Variants in PCP4 observed in about 807,000 individuals in gnomAD.
The protein encoded by PCP4 is Purkinje cell protein 4, also known as calmodulin regulator protein PCP4.
In PCP4, 8 loss-of-function variants were observed where a neutral mutation model predicts 10.0. The ratio of observed to expected loss-of-function variants is 0.80; its 90% CI spans 0.47 to 1.45. PCP4 has a LOEUF of 1.45. PCP4 is among the 40% of genes most tolerant of loss of function. The pLI, the probability that PCP4 is intolerant of heterozygous loss-of-function variation, is 0.00. For synonymous variants in PCP4, 21 were observed against 23.0 expected (o/e 0.91, Z 0.24); for missense variants, 54 against 74.4 (o/e 0.73, Z 1.01).
At chr21:39,903,876 C>CAAAAAA (rs67572508) in intron 2 of PCP4, among the ~76,000 whole-genome samples, 13 of 95,538 alleles carry the variant, frequency 1.4e-4, no homozygotes, top group East Asian at 3.6e-4. Context: ...TCAAAAAAAA[C>CAAAAAA]AAAAAAAAAA....
chr21:39,872,094 G>C (rs968961615), intron 1 of PCP4, among the ~76,000 whole-genome samples: 1 of 152,062 alleles, frequency 6.6e-6, no homozygotes, highest in African/African-American at 2.4e-5. Context: ...TGCCTCCCAG[G>C]TTCAAGCAAT....
intron 2 of PCP4, among the ~76,000 whole-genome samples, chr21:39,903,935 A>G (rs2087494596): frequency 6.6e-6 from 1 of 151,730 alleles, no homozygotes; most frequent in Non-Finnish European, 1.5e-5. Flanking sequence ...GATTGCCAAG[A>G]ATAAATAAGA....
intron 1 of PCP4, among the ~76,000 whole-genome samples, chr21:39,881,232 G>A (rs2146328430): frequency 6.6e-6 from 1 of 152,136 alleles, no homozygotes; most frequent in South Asian, 2.1e-4. Context: ...AATGTTGGGG[G>A]GAGAAACCTG....
intron 1 of PCP4, among the ~76,000 whole-genome samples, chr21:39,891,745 A>T (rs1028381008): frequency 6.6e-6 from 1 of 152,210 alleles, no homozygotes; most frequent in Non-Finnish European, 1.5e-5. Context: ...TGATTACAGG[A>T]TAGGGGGCCC....
At chr21:39,927,106 G>A (rs556156807) in intron 2 of PCP4, among the ~76,000 whole-genome samples, 2 of 151,926 alleles carry the variant, frequency 1.3e-5, no homozygotes, top group African/African-American at 4.8e-5. Flanking sequence ...CCTCCTAGGT[G>A]AGAGGATGAT....
At chr21:39,927,758 T>C (rs2087631915) in intron 2 of PCP4, among the ~76,000 whole-genome samples, 1 of 152,190 alleles carries the variant, frequency 6.6e-6, no homozygotes. Context: ...TGGCTTGAGC[T>C]AACTCCAAGG....
chr21:39,869,767 T>A (rs2087311101), intron 1 of PCP4, among the ~76,000 whole-genome samples: 1 of 152,252 alleles, frequency 6.6e-6, no homozygotes, highest in African/African-American at 2.4e-5. Context: ...TCCCCCTTCA[T>A]GGCACCCCTC....
In PCP4 at chr21:39,922,209, AC is replaced by A. The variant is rs1218286107; in HGVS notation, c.62-6773del. On this transcript the variant is annotated intron_variant, in intron 2 of 2. Transcript: ENST00000328619. The stretch of plus-strand genomic sequence containing the variant: ...TCAACTGGTAGTATAATAGTTCCTA[AC>A]CTTTATATTTATGATTCTCTATTTT... 4.4e-4 allele frequency among the ~76,000 whole-genome samples: 67 copies of A among 152,222 alleles called. 1 individual carries two copies. The highest frequency in any genetic ancestry group is 1.6e-3 in the African/African-American group (66 of 41,518).
At chr21:39,888,048 C>T (rs1174228745) in intron 1 of PCP4, among the ~76,000 whole-genome samples, 3 of 152,192 alleles carry the variant, frequency 2.0e-5, no homozygotes, top group Non-Finnish European at 4.4e-5. Context: ...TGTCGAGATG[C>T]TGCCATTCCA....
At chr21:39,911,156 A>G (rs1377240365) in intron 2 of PCP4, among the ~76,000 whole-genome samples, 1 of 152,100 alleles carries the variant, frequency 6.6e-6, no homozygotes, top group African/African-American at 2.4e-5. Flanking sequence ...TGGTGGAGGC[A>G]GTGGAGGGGA....
intron 2 of PCP4, among the ~76,000 whole-genome samples, chr21:39,915,352 T>C (rs1471448344): frequency 1.3e-5 from 2 of 152,120 alleles, no homozygotes; most frequent in African/African-American, 2.4e-5. Flanking sequence ...GGGAAGGAAA[T>C]GAGCCCATCC....
At chr21:39,909,339 C>A (rs189068603) in intron 2 of PCP4, among the ~76,000 whole-genome samples, 1 of 152,160 alleles carries the variant, frequency 6.6e-6, no homozygotes, top group Admixed American at 6.6e-5. Flanking sequence ...TGTTCCGTGT[C>A]GCTGCTCTGT....
intron 2 of PCP4, among the ~76,000 whole-genome samples, chr21:39,927,961 AAAG>A (rs1446376270): frequency 6.6e-6 from 1 of 152,216 alleles, no homozygotes; most frequent in African/African-American, 2.4e-5. Flanking sequence ...GTATTTAAAA[AAAG>A]AAAGAAAAAG....
intron 2 of PCP4, among the ~76,000 whole-genome samples, chr21:39,909,504 TCTC>T (rs2087529058): frequency 6.6e-6 from 1 of 152,232 alleles, no homozygotes; most frequent in Non-Finnish European, 1.5e-5. Flanking sequence ...CCTGCTGGGA[TCTC>T]CTTGCATTCT....
At chr21:39,921,194 A>G (rs929849636) in intron 2 of PCP4, among the ~76,000 whole-genome samples, 12 of 152,166 alleles carry the variant, frequency 7.9e-5, no homozygotes, top group African/African-American at 2.4e-5. Context: ...TTATGTGTTT[A>G]GACTTGGACC....
chr21:39,869,317 G>A (rs1458277859), intron 1 of PCP4, among the ~76,000 whole-genome samples: 3 of 152,320 alleles, frequency 2.0e-5, no homozygotes, highest in Middle Eastern at 3.4e-3. Flanking sequence ...GAGAAAGCGC[G>A]TGTTCCAGAG....
At chr21:39,874,725 TA>T (rs201605980) in intron 1 of PCP4, among the ~76,000 whole-genome samples, 15 of 150,698 alleles carry the variant, frequency 1.0e-4, no homozygotes, top group Admixed American at 7.3e-4. Flanking sequence ...TCTAGTATTT[TA>T]AAAAAAAACC....
intron 1 of PCP4, among the ~76,000 whole-genome samples, chr21:39,888,601 G>T (rs77203338): frequency 6.6e-6 from 1 of 152,160 alleles, no homozygotes; most frequent in Admixed American, 6.5e-5. Flanking sequence ...AGCTGACAGC[G>T]GTGTGAGTTA....
intron 2 of PCP4, among the ~76,000 whole-genome samples, chr21:39,910,121 A>G (rs1211562294): frequency 6.6e-6 from 1 of 152,160 alleles, no homozygotes; most frequent in Non-Finnish European, 1.5e-5. Context: ...CCAGACCCTG[A>G]AAACAATTGG....
Sources: allele counts gnomAD v4.1 joint callset (sites outside exome capture counted in the v4.1 genomes callset), GRCh38; gene constraint gnomAD v4.1.1; transcripts MANE v1.5; gene names NCBI Gene and HGNC (gene_info 2026-07-23, HGNC 2026-07-21).